The following CHD9 variants were observed in gnomAD, a reference collection of about 807,000 sequenced individuals.
CHD9 encodes the protein chromodomain helicase DNA binding protein 9, also known as ATP-dependent chromatin remodeler CHD9.
Under a neutral mutation model 316.1 loss-of-function variants are expected in CHD9, and 77 were observed. That is an observed-to-expected ratio of 0.24 (90% confidence interval 0.20 to 0.29). The LOEUF is 0.29. Ranked by LOEUF, CHD9 falls within the 10% of genes least tolerant of loss-of-function variation. The pLI, the probability that CHD9 is intolerant of heterozygous loss-of-function variation, is 1.00. For synonymous variants in CHD9, 1,129 were observed against 1,158.3 expected (o/e 0.97, Z 0.51); for missense variants, 2,763 against 3,438.1 (o/e 0.80, Z 4.91).
At chr16:53,308,565 C>T in intron 33 of CHD9, 121 bp from the exon 34 acceptor site, 1 of 675,048 alleles carries the variant, frequency 1.5e-6, no homozygotes, top group Non-Finnish European at 2.6e-6. Context: ...GAGAAATGAA[C>T]TTCTTTGATG....
rs1273105615 is a variant in CHD9, at chr16:53,234,846, C to T, written c.2512-339C>T. Among the ~76,000 whole-genome samples the T allele has an allele frequency of 2.0e-5, 3 of 151,362 alleles. No homozygotes were observed. In the South Asian group the frequency reaches 6.2e-4, roughly 31 times the overall value. ...AAAACAAAACCTACTTGGTCATGAT[C>T]TTATTGCCCTTATATATTGTTAAGT... On this transcript the variant is annotated intron_variant, in intron 10 of 38. Coordinates refer to ENST00000447540, the MANE Select transcript of CHD9 (RefSeq NM_001308319.2).
In CHD9 at chr16:53,245,350, T is replaced by C; in HGVS notation, c.3069T>C (p.Leu1023=). Residue 1023 remains leucine, a synonymous_variant, in exon 14 of 39, where the codon CTT becomes CTC. Transcript: ENST00000447540. The surrounding 1 kb of genome is among the most constrained non-coding windows in gnomAD (Gnocchi z 4.1). The part of the protein sequence containing the change: ...LKLMNLEHKV[L]LTGTPLQNTV... ...ACTTTTTGTAGGAACACAAGGTGCT[T>C]TTGACTGGCACCCCTCTCCAAAATA... 1 of 1,545,880 alleles carries C rather than the reference T, an allele frequency of 6.5e-7. No homozygotes were observed. Among genetic ancestry groups the C allele is most frequent in the African/African-American group, 1.4e-5 (1 of 73,052 alleles).
At chr16:53,182,748 T>A (rs1339817380) in intron 2 of CHD9, among the ~76,000 whole-genome samples, 1 of 152,176 alleles carries the variant, frequency 6.6e-6, no homozygotes, top group Non-Finnish European at 1.5e-5. Context: ...CTAATTAAAT[T>A]AAAAAGTACA....
intron 4 of CHD9, chr16:53,223,622 A>G (rs1337293786): frequency 6.6e-6 from 1 of 152,410 alleles, no homozygotes; most frequent in Non-Finnish European, 1.5e-5. Flanking sequence ...AATTTAGTTT[A>G]ATTTTTGCTG....
Position 53,314,487 on chromosome 16 carries a change from T to C in CHD9, c.7333T>C (p.Phe2445Leu). Reference protein sequence around the residue: ...RKNVEGVDIFFFNRNKPPNHV... With the variant: ...RKNVEGVDIFLFNRNKPPNHV... ...GAATGTAGAAGGTGTTGACATCTTC[T>C]TTTTTAACAGAAATAAACCACCTAA... The change falls in exon 35 of 39, where the codon TTT becomes CTT. Residue 2445 changes from phenylalanine to leucine, a missense_variant. Phe to Leu is a conservative substitution (Grantham distance 22, BLOSUM62 0). Transcript: ENST00000447540. 6.3e-7 allele frequency: 1 copy of C among 1,579,134 alleles called. No individual in the cohort carries two copies. The highest frequency in any genetic ancestry group is 1.3e-5 in the African/African-American group (1 of 74,258).
rs1309780482 is a variant in CHD9 at position 53,216,384 on chromosome 16, T to C, written c.1785-6260T>C. 2.6e-5 allele frequency among the ~76,000 whole-genome samples: 4 copies of C among 152,308 alleles called. No homozygotes were observed. The East Asian group carries it at 5.8e-4, about 22-fold the overall frequency. Reference sequence around the variant, plus strand: ...TTTATGAAAGTCAGGTAAATTTTAATCTTTAAAATTTACTAAAAGATAATA... The same window carrying C: ...TTTATGAAAGTCAGGTAAATTTTAACCTTTAAAATTTACTAAAAGATAATA... On this transcript the variant is annotated intron_variant, in intron 3 of 38. Transcript: ENST00000447540.
intron 30 of CHD9, 47 bp downstream of exon 30, chr16:53,297,205 ATCACTAAAAT>A: frequency 7.0e-7 from 1 of 1,426,486 alleles, no homozygotes; most frequent in Non-Finnish European, 9.8e-7. Context: ...AGAAGCAAAA[ATCACTAAAAT>A]TCGGAAATTT....
At chr16:53,085,757 A>G (rs894258753) in intron 1 of CHD9, among the ~76,000 whole-genome samples, 5 of 152,216 alleles carry the variant, frequency 3.3e-5, no homozygotes, top group African/African-American at 9.6e-5. Flanking sequence ...ATGGCACTGT[A>G]CGAGGCCTCC....
intron 1 of CHD9, among the ~76,000 whole-genome samples, chr16:53,148,432 C>A (rs2040819980): frequency 6.6e-6 from 1 of 152,154 alleles, no homozygotes; most frequent in Non-Finnish European, 1.5e-5. Context: ...AACCACCACA[C>A]TATTTTCCAC....
At chr16:53,098,868 C>T (rs1208522874) in intron 1 of CHD9, among the ~76,000 whole-genome samples, 5 of 152,158 alleles carry the variant, frequency 3.3e-5, no homozygotes, top group Admixed American at 2.6e-4. Flanking sequence ...AATCAAGAAC[C>T]GTCGCTCCTA....
intron 2 of CHD9, among the ~76,000 whole-genome samples, chr16:53,180,394 A>G (rs1372135287): frequency 1.3e-5 from 2 of 152,218 alleles, no homozygotes; most frequent in African/African-American, 2.4e-5. Flanking sequence ...AAGGATTTGC[A>G]TAATTTGAGG....
chr16:53,210,299 A>G (rs1287460075), intron 3 of CHD9, among the ~76,000 whole-genome samples: 2 of 151,926 alleles, frequency 1.3e-5, no homozygotes, highest in Non-Finnish European at 2.9e-5. Flanking sequence ...GCAAAAAAAA[A>G]AAAAAAACAC....
At chr16:53,114,846 C>T (rs1418541620) in intron 1 of CHD9, among the ~76,000 whole-genome samples, 1 of 152,168 alleles carries the variant, frequency 6.6e-6, no homozygotes, top group East Asian at 1.9e-4. Flanking sequence ...CTCGGCCTCC[C>T]AAAGTGCTGG....
intron 1 of CHD9, among the ~76,000 whole-genome samples, chr16:53,101,017 T>C (rs996916791): frequency 1.3e-5 from 2 of 152,202 alleles, no homozygotes; most frequent in African/African-American, 2.4e-5. Flanking sequence ...GTTTTACTTG[T>C]TCACTGTGCT....
chr16:53,208,943 T>G lies in CHD9; in HGVS notation c.1453-539T>G, dbSNP rs183546994. 7.9e-4 allele frequency among the ~76,000 whole-genome samples: 120 copies of G among 152,306 alleles called. 1 individual carries two copies. The highest frequency in any genetic ancestry group is 2.1e-3 in the South Asian group (10 of 4,832). Reference sequence around the variant, plus strand: ...ACTCTTTCATGGGAAAACTAAAACTTTCTCTAATTTTAAGTATGAGAATGT... The same window carrying G: ...ACTCTTTCATGGGAAAACTAAAACTGTCTCTAATTTTAAGTATGAGAATGT... On this transcript the variant is annotated intron_variant, in intron 2 of 38. Transcript: ENST00000447540.
chr16:53,259,629 C>T (rs1272966769), intron 19 of CHD9, among the ~76,000 whole-genome samples: 1 of 152,176 alleles, frequency 6.6e-6, no homozygotes, highest in East Asian at 1.9e-4. Flanking sequence ...CCTCCTGCCG[C>T]AGCCTCCCAT....
chr16:53,074,832 T>C (rs1038920254), intron 1 of CHD9, among the ~76,000 whole-genome samples: 9 of 152,224 alleles, frequency 5.9e-5, no homozygotes, highest in African/African-American at 2.2e-4. Context: ...GCTAGGGCAG[T>C]GCAGAAGGGA....
At chr16:53,083,604 G>A (rs1299430797) in intron 1 of CHD9, among the ~76,000 whole-genome samples, 1 of 152,086 alleles carries the variant, frequency 6.6e-6, no homozygotes. Context: ...CCCACTCTTT[G>A]GAGTCCTGCC....
chr16:53,069,431 C>A (rs554943443), intron 1 of CHD9, among the ~76,000 whole-genome samples: 71 of 152,344 alleles, frequency 4.7e-4, no homozygotes, highest in African/African-American at 1.6e-3. Flanking sequence ...AACTCCCCTT[C>A]CCCCTTAACC....
Sources: allele counts gnomAD v4.1 joint callset (sites outside exome capture counted in the v4.1 genomes callset), GRCh38; gene constraint gnomAD v4.1.1; non-coding constraint Gnocchi (gnomAD v3.1); transcripts MANE v1.5; gene names NCBI Gene and HGNC (gene_info 2026-07-23, HGNC 2026-07-21).